Variants in SORCS2 observed in about 807,000 individuals in gnomAD.
SORCS2 encodes sortilin related VPS10 domain containing receptor 2, also known as VPS10 domain-containing receptor SorCS2.
In SORCS2, 100 loss-of-function variants were observed where a neutral mutation model predicts 141.6. The observed-to-expected ratio is 0.71, with a 90% confidence interval of 0.60 to 0.83. SORCS2 has a LOEUF of 0.83. Ranked by LOEUF, SORCS2 falls within the 40% of genes least tolerant of loss-of-function variation. SORCS2 has a pLI of 0.00. For missense variants in SORCS2, 1,646 were observed against 1,560.2 expected, an observed-to-expected ratio of 1.05 and a Z score of -0.93; for synonymous variants, 789 against 676.9, an observed-to-expected ratio of 1.17 and a Z score of -2.57.
intron 1 of SORCS2, among the ~76,000 whole-genome samples, chr4:7,385,959 A>G (rs994141650): frequency 6.6e-6 from 1 of 152,184 alleles, no homozygotes; most frequent in African/African-American, 2.4e-5. Flanking sequence ...CATGAAAATG[A>G]GCATCTTCCT....
intron 7 of SORCS2, among the ~76,000 whole-genome samples, chr4:7,666,531 C>T (rs944753680): frequency 2.4e-4 from 36 of 152,178 alleles, no homozygotes; most frequent in Admixed American, 2.2e-3. Context: ...CCTTCCAGCC[C>T]CACCTCACCA....
At chr4:7,707,573 G>T (rs753316042) in intron 14 of SORCS2, among the ~76,000 whole-genome samples, 1 of 152,212 alleles carries the variant, frequency 6.6e-6, no homozygotes, top group East Asian at 1.9e-4. Flanking sequence ...CTGCCACCAG[G>T]CCTGGGCTGC....
At chr4:7,688,857 G>A (rs1009759725) in intron 10 of SORCS2, among the ~76,000 whole-genome samples, 2 of 152,200 alleles carry the variant, frequency 1.3e-5, no homozygotes, top group Admixed American at 1.3e-4. Context: ...GCCAGAGAGA[G>A]ATCAGGAGGA....
At chr4:7,305,427 C>G (rs775049788) in intron 1 of SORCS2, among the ~76,000 whole-genome samples, 2 of 151,556 alleles carry the variant, frequency 1.3e-5, no homozygotes, top group Admixed American at 6.6e-5. Context: ...GAGGGGTGCC[C>G]GGCCAGTGCT....
At chr4:7,640,717 T>C (rs980082320) in intron 4 of SORCS2, among the ~76,000 whole-genome samples, 5 of 151,974 alleles carry the variant, frequency 3.3e-5, no homozygotes, top group African/African-American at 1.2e-4. Flanking sequence ...TAGATACATT[T>C]TGGGGGCCAC....
chr4:7,332,622 A>G (rs1044814355), intron 1 of SORCS2, among the ~76,000 whole-genome samples: 1 of 152,218 alleles, frequency 6.6e-6, no homozygotes, highest in East Asian at 1.9e-4. Context: ...CTCACCCTGA[A>G]GGACTCAAAA....
intron 1 of SORCS2, among the ~76,000 whole-genome samples, chr4:7,224,410 CT>C (rs1227205657): frequency 6.6e-6 from 1 of 152,226 alleles, no homozygotes; most frequent in Non-Finnish European, 1.5e-5. Flanking sequence ...ACTGCCACCC[CT>C]GGGAAGCTGC....
intron 1 of SORCS2, among the ~76,000 whole-genome samples, chr4:7,256,012 T>C (rs1174844620): frequency 2.0e-5 from 3 of 151,224 alleles, no homozygotes; most frequent in South Asian, 2.1e-4. Context: ...TGGGCTGGAG[T>C]GTGGGGTCCT....
intron 1 of SORCS2, among the ~76,000 whole-genome samples, chr4:7,252,816 C>A (rs1373541890): frequency 6.6e-6 from 1 of 152,246 alleles, no homozygotes; most frequent in African/African-American, 2.4e-5. Context: ...TGAAAATCTC[C>A]AACCAGCCTG....
chr4:7,345,249 G>A (rs1720593040), intron 1 of SORCS2, among the ~76,000 whole-genome samples: 1 of 152,164 alleles, frequency 6.6e-6, no homozygotes, highest in East Asian at 1.9e-4. Context: ...ACTTCTTAAT[G>A]TTGGGGCACA....
intron 3 of SORCS2, among the ~76,000 whole-genome samples, chr4:7,543,450 TCCATCCATCCA>T (rs1712861000): frequency 8.3e-6 from 1 of 120,228 alleles, no homozygotes; most frequent in Non-Finnish European, 1.8e-5. Context: ...CACTCATCCA[TCCATCCATCCA>T]TCCACCCACC....
intron 3 of SORCS2, among the ~76,000 whole-genome samples, chr4:7,620,157 C>G (rs1479197987): frequency 6.6e-6 from 1 of 152,130 alleles, no homozygotes; most frequent in Admixed American, 6.5e-5. Context: ...GGATTGCGAT[C>G]TTTTGGAGCA....
Position 7,209,099 on chromosome 4 carries a change from T to C in SORCS2, c.480+15973T>C, listed in dbSNP as rs367614764. Among the ~76,000 whole-genome samples the C allele has an allele frequency of 4.6e-5, 7 of 152,312 alleles. 1 individual carries two copies. The highest frequency in any genetic ancestry group is 1.7e-4 in the African/African-American group (7 of 41,566). On this transcript the variant is annotated intron_variant, in intron 1 of 26. Coordinates refer to ENST00000507866, the MANE Select transcript of SORCS2 (RefSeq NM_020777.3). ...CAGACCTCGTGAAACTTCATCTTTC[T>C]CTTCCCTAGGAGGGAAAGGACACTG...
chr4:7,313,628 A>G (rs1577387331), intron 1 of SORCS2, among the ~76,000 whole-genome samples: 4 of 152,286 alleles, frequency 2.6e-5, no homozygotes, highest in Admixed American at 2.0e-4. Context: ...GGCCTGGACA[A>G]TGTCTCTTTT....
At chr4:7,564,045 G>A (rs988984152) in intron 3 of SORCS2, among the ~76,000 whole-genome samples, 1 of 152,216 alleles carries the variant, frequency 6.6e-6, no homozygotes, top group African/African-American at 2.4e-5. Context: ...AAAGAAGCCT[G>A]CCAGGGAAAT....
intron 1 of SORCS2, among the ~76,000 whole-genome samples, chr4:7,222,981 A>T (rs903160752): frequency 2.6e-5 from 4 of 152,104 alleles, no homozygotes; most frequent in African/African-American, 9.7e-5. Context: ...GCGTCGGTGG[A>T]GGGAGGGCTC....
In SORCS2 at chr4:7,663,704, G is replaced by T. The variant is rs1722325740; in HGVS notation, c.953-649G>T. Reference sequence around the variant, plus strand: ...CATGCTGCCGGGTCACCCAAGGCTGGGGGCAGGAGGAGGAGGAAAAGGAAG... The same window carrying T: ...CATGCTGCCGGGTCACCCAAGGCTGTGGGCAGGAGGAGGAGGAAAAGGAAG... On this transcript the variant is annotated intron_variant, in intron 6 of 26. Transcript: ENST00000507866. This position sits in a 1 kb window ranked among gnomAD's most constrained non-coding sequence, Gnocchi z 4.8. 6.6e-6 allele frequency among the ~76,000 whole-genome samples: 1 copy of T among 152,174 alleles called. No homozygotes were observed. Among genetic ancestry groups the T allele is most frequent in the Non-Finnish European group, 1.5e-5 (1 of 68,032 alleles).
At chr4:7,282,545 A>G (rs533497578) in intron 1 of SORCS2, among the ~76,000 whole-genome samples, 1 of 152,298 alleles carries the variant, frequency 6.6e-6, no homozygotes, top group East Asian at 1.9e-4. Context: ...AAGGATCACC[A>G]AAGCAGCCTA....
intron 2 of SORCS2, among the ~76,000 whole-genome samples, chr4:7,470,055 G>A (rs934810730): frequency 5.3e-5 from 8 of 152,226 alleles, no homozygotes; most frequent in African/African-American, 1.9e-4. Flanking sequence ...TCATGGCCAA[G>A]GGAAAACGCT....
Sources: gnomAD v4.1 joint callset for allele counts (sites outside exome capture counted in the v4.1 genomes callset) on GRCh38, gnomAD v4.1.1 for gene constraint, Gnocchi (gnomAD v3.1) non-coding constraint, MANE v1.5 for transcripts, NCBI Gene and HGNC (gene_info 2026-07-23, HGNC 2026-07-21) for gene names.